UQCC1: variants seen among roughly 807,000 people sequenced by gnomAD.
The protein encoded by UQCC1 is ubiquinol-cytochrome c reductase complex assembly factor 1, also known as bFGF-repressed Zic-binding protein.
Under a neutral mutation model 48.0 loss-of-function variants are expected in UQCC1, and 38 were observed. That is an observed-to-expected ratio of 0.79 (90% CI 0.61 to 1.04). The LOEUF (loss-of-function observed/expected upper bound fraction) is 1.04, where lower values mean the gene tolerates loss of function less well. UQCC1 is among the 50% of genes least tolerant of loss of function. The probability of loss-of-function intolerance (pLI) is 0.00; values close to 1 mark genes in which losing one functional copy is unlikely to be tolerated. For missense variants in UQCC1, 368 were observed against 381.8 expected (o/e 0.96, Z 0.30); for synonymous variants, 111 against 129.2 (o/e 0.86, Z 0.95).
chr20:35,303,944 C>G lies in UQCC1; in HGVS notation c.891G>C (p.Glu297Asp). The change falls in exon 10 of 10, where the codon GAG (glutamate) becomes GAC (aspartate). Residue 297 changes from glutamate (E) to aspartate (D), a missense_variant. By Grantham distance (45) the Glu-to-Asp change is conservative (BLOSUM62 2). Coordinates refer to ENST00000374385, the MANE Select transcript of UQCC1 (RefSeq NM_018244.5). ...CGGAGGGCCCAGCCCATCAAAGTCCCTCGTCGTTGTAAGTCGGAGAATGGG... is the reference window on the plus strand; with the variant it reads ...CGGAGGGCCCAGCCCATCAAAGTCCGTCGTCGTTGTAAGTCGGAGAATGGG... ...LKPHSPTYND[E>D]GL 1 of 1,614,214 alleles carries G rather than the reference C, an allele frequency of 6.2e-7. No homozygotes were observed. Among genetic ancestry groups the G allele is most frequent in the South Asian group, 1.1e-5 (1 of 91,086 alleles).
chr20:35,402,208 T>C (rs187898080), intron 1 of UQCC1, among the ~76,000 whole-genome samples: 1 of 151,964 alleles, frequency 6.6e-6, no homozygotes, highest in African/African-American at 2.4e-5. Flanking sequence ...TTTGTGAGGC[T>C]GAGGTGGGTG....
chr20:35,320,629 G>T (rs533038609), intron 7 of UQCC1, among the ~76,000 whole-genome samples: 6 of 152,188 alleles, frequency 3.9e-5, no homozygotes, highest in African/African-American at 1.4e-4. Context: ...ATCAGTGGCC[G>T]GTTACTAATA....
At chr20:35,371,356 G>C (rs1452694010) in intron 5 of UQCC1, among the ~76,000 whole-genome samples, 2 of 104,950 alleles carry the variant, frequency 1.9e-5, no homozygotes, top group Admixed American at 1.0e-4. Context: ...TTTTTTTTTT[G>C]AGATGGAGTC....
Position 35,349,509 on chromosome 20 carries a change from T to A in UQCC1, c.465-2237A>T, listed in dbSNP as rs1038453636. Among the ~76,000 whole-genome samples, 3 of 152,190 alleles carry A rather than the reference T, an allele frequency of 2.0e-5. No individual in the cohort carries two copies. In the East Asian group the frequency reaches 5.8e-4, roughly 29 times the overall value. ...ATACAGTAATGCAAATATAATACCA[T>A]CAATGTGTAAAGTGAGACTTTTGTT... On this transcript the variant is annotated intron_variant, in intron 6 of 9. Transcript: ENST00000374385.
At chr20:35,384,165 C>T in intron 2 of UQCC1, 32 bp from the exon 3 acceptor site, 1 of 1,562,498 alleles carries the variant, frequency 6.4e-7, no homozygotes, top group Non-Finnish European at 8.8e-7. Context: ...CTATGCAACA[C>T]TGAGCACTTA....
rs990747674 is a variant in UQCC1 at position 35,384,427 on chromosome 20, G to A, written c.130-294C>T. 20 of 339,670 alleles carry A rather than the reference G, an allele frequency of 5.9e-5. No individual in the cohort carries two copies. In the East Asian group the frequency reaches 1.2e-3, roughly 20 times the overall value. 21.0% of individuals were successfully genotyped at this position (339,670 alleles called of 1,614,324 possible). ...AGGTCAAGGTGAGAGGATTGCTTGA[G>A]GCCAGAGTTTAAGACTCAGCCTGGG... is the stretch of plus-strand genomic sequence containing the variant. On this transcript the variant is annotated intron_variant, in intron 2 of 9. Coordinates refer to ENST00000374385, the MANE Select transcript of UQCC1 (RefSeq NM_018244.5).
At chr20:35,401,078 A>AT (rs1364393005) in intron 1 of UQCC1, among the ~76,000 whole-genome samples, 1 of 152,148 alleles carries the variant, frequency 6.6e-6, no homozygotes, top group Admixed American at 6.6e-5. Context: ...ATACTGAACC[A>AT]TTGCTTCTAA....
intron 4 of UQCC1, among the ~76,000 whole-genome samples, chr20:35,377,771 C>G (rs2061819198): frequency 6.6e-6 from 1 of 152,172 alleles, no homozygotes; most frequent in Admixed American, 6.5e-5. Context: ...GCCTTCAAGG[C>G]CCAAGGCCCA....
chr20:35,341,771 G>A (rs1026561804), intron 7 of UQCC1, among the ~76,000 whole-genome samples: 1 of 152,190 alleles, frequency 6.6e-6, no homozygotes, highest in African/African-American at 2.4e-5. Context: ...CAATCTAGGT[G>A]TATGCATGGA....
intron 8 of UQCC1, among the ~76,000 whole-genome samples, chr20:35,312,252 AC>A (rs540969686): frequency 6.6e-6 from 1 of 151,908 alleles, no homozygotes; most frequent in Non-Finnish European, 1.5e-5. Context: ...CCAACCCATA[AC>A]CCCCGAAAGC....
chr20:35,369,609 T>C (rs2061706953), intron 5 of UQCC1, among the ~76,000 whole-genome samples: 1 of 152,214 alleles, frequency 6.6e-6, no homozygotes, highest in Non-Finnish European at 1.5e-5. Flanking sequence ...TCACTCACTA[T>C]GTGACACTGG....
chr20:35,306,088 G>A (rs2060925423), intron 9 of UQCC1, among the ~76,000 whole-genome samples: 1 of 152,158 alleles, frequency 6.6e-6, no homozygotes, highest in Non-Finnish European at 1.5e-5. Context: ...CAGCTATGTG[G>A]GTAAGCAGCC....
At chr20:35,411,663 G>A (rs963541023) in intron 1 of UQCC1, among the ~76,000 whole-genome samples, 7 of 152,100 alleles carry the variant, frequency 4.6e-5, no homozygotes, top group Non-Finnish European at 7.4e-5. Flanking sequence ...TCTCCCTGAG[G>A]GGAAGCAGGT....
intron 7 of UQCC1, among the ~76,000 whole-genome samples, chr20:35,343,862 A>G (rs868661171): frequency 3.3e-5 from 5 of 152,318 alleles, no homozygotes; most frequent in Middle Eastern, 3.4e-3. Context: ...CAGAATCTGT[A>G]TTTTAACAAG....
chr20:35,337,676 A>AGTT (rs1253317798), intron 7 of UQCC1, among the ~76,000 whole-genome samples: 4 of 152,186 alleles, frequency 2.6e-5, no homozygotes, highest in Non-Finnish European at 5.9e-5. Context: ...AAATAGCCTT[A>AGTT]AAACTAAGTT....
At chr20:35,356,244 AG>A (rs2061545725) in intron 6 of UQCC1, among the ~76,000 whole-genome samples, 1 of 152,238 alleles carries the variant, frequency 6.6e-6, no homozygotes, top group East Asian at 1.9e-4. Flanking sequence ...TTGGAATGGA[AG>A]GATGGAAGTG....
chr20:35,341,115 G>A (rs1336147721), intron 7 of UQCC1, among the ~76,000 whole-genome samples: 1 of 151,742 alleles, frequency 6.6e-6, no homozygotes, highest in Non-Finnish European at 1.5e-5. Flanking sequence ...CAGCTACTCA[G>A]GAGGCTGAGG....
intron 4 of UQCC1, among the ~76,000 whole-genome samples, chr20:35,376,038 C>T (rs373012672): frequency 6.6e-6 from 1 of 151,778 alleles, no homozygotes; most frequent in Admixed American, 6.6e-5. Context: ...GGTGGCTCAC[C>T]CACCCGGCTC....
chr20:35,383,889 C>T (rs1265818036), intron 3 of UQCC1, 149 bp downstream of exon 3: 4 of 588,436 alleles, frequency 6.8e-6, no homozygotes, highest in Non-Finnish European at 1.2e-5. Context: ...ACTTACTTAC[C>T]ATCCTTGTGA....
Sources: allele counts gnomAD v4.1 joint callset (sites outside exome capture counted in the v4.1 genomes callset), GRCh38; gene constraint gnomAD v4.1.1; transcripts MANE v1.5; gene names NCBI Gene and HGNC (gene_info 2026-07-23, HGNC 2026-07-21).